The following PCDHA1 variants were observed in gnomAD, a reference collection of about 807,000 sequenced individuals.
The protein encoded by PCDHA1 is protocadherin alpha 1.
In PCDHA1, 42 loss-of-function variants were observed where a neutral mutation model predicts 61.3. The observed-to-expected ratio is 0.69, with a 90% CI of 0.54 to 0.89. The LOEUF is 0.89. Ranked by LOEUF, PCDHA1 falls within the 40% of genes least tolerant of loss-of-function variation. PCDHA1 has a pLI of 0.00. For missense variants in PCDHA1, 1,256 were observed against 1,235.3 expected (o/e 1.02, Z -0.25); for synonymous variants, 610 against 553.8 (o/e 1.10, Z -1.43).
At chr5:140,949,626 G>A (rs2094403314) in intron 1 of PCDHA1, among the ~76,000 whole-genome samples, 1 of 151,546 alleles carries the variant, frequency 6.6e-6, no homozygotes, top group Non-Finnish European at 1.5e-5. Context: ...CTGTTTTCAT[G>A]GCATATTGCT....
In PCDHA1 at chr5:140,802,630, C is replaced by T. The variant is rs1554122255; in HGVS notation, c.2394+13946C>T. The T allele has an allele frequency of 3.7e-6, 6 of 1,613,894 alleles. No homozygotes were observed. In the South Asian group the frequency reaches 6.6e-5, roughly 18 times the overall value. On this transcript the variant is annotated intron_variant, in intron 1 of 3. Transcript: ENST00000504120. ...CCGGGCTGCCACATCTTCACGGTGT[C>T]TGCGCGGGACGCGGACGCGCAGGAG... is the stretch of plus-strand genomic sequence containing the variant.
At chr5:140,983,621 A>G (rs1271083054) in intron 3 of PCDHA1, among the ~76,000 whole-genome samples, 5 of 152,250 alleles carry the variant, frequency 3.3e-5, no homozygotes, top group African/African-American at 1.2e-4. Flanking sequence ...CAGAGAGATT[A>G]AGAAATGTAC....
chr5:140,807,757 A>T (rs1319661297), intron 1 of PCDHA1: 1 of 1,614,068 alleles, frequency 6.2e-7, no homozygotes. Flanking sequence ...AGCTGGTAAA[A>T]GGTCTTGGGC....
chr5:140,944,136 G>A (rs536816208), intron 1 of PCDHA1, among the ~76,000 whole-genome samples: 3 of 152,136 alleles, frequency 2.0e-5, no homozygotes, highest in African/African-American at 7.2e-5. Context: ...AAAGGTTGAA[G>A]ATTAGAAGAG....
chr5:140,975,099 A>G (rs540357854), intron 1 of PCDHA1, among the ~76,000 whole-genome samples: 1 of 152,152 alleles, frequency 6.6e-6, no homozygotes, highest in Non-Finnish European at 1.5e-5. Flanking sequence ...TTGTTTGGGG[A>G]CTGAGATCTC....
chr5:140,877,521 AG>A, intron 1 of PCDHA1: 1 of 1,613,770 alleles, frequency 6.2e-7, no homozygotes, highest in African/African-American at 1.3e-5. Context: ...CGCGGGCCTC[AG>A]TGGGCGCTGT....
At chr5:140,870,181 G>C in intron 1 of PCDHA1, 1 of 1,614,160 alleles carries the variant, frequency 6.2e-7, no homozygotes, top group Non-Finnish European at 8.5e-7. Context: ...CCCAGTACGA[G>C]AGGACGCTCA....
chr5:140,979,122 T>C (rs1271679977), intron 2 of PCDHA1, 115 bp downstream of exon 2: 2 of 1,493,778 alleles, frequency 1.3e-6, no homozygotes, highest in African/African-American at 2.8e-5. Flanking sequence ...TTAGGTACTT[T>C]GCCAGGAAAA....
In PCDHA1 at chr5:140,875,735, C is replaced by A. The variant is rs376701509; in HGVS notation, c.2394+87051C>A. The stretch of plus-strand genomic sequence containing the variant: ...CAGAATGGCATTTTGTTTGTGAATT[C>A]TCGGATCGACCGCGAGAAGCTGTGC... On this transcript the variant is annotated intron_variant, in intron 1 of 3. Coordinates refer to ENST00000504120, the MANE Select transcript of PCDHA1 (RefSeq NM_018900.4). 16 of 1,614,114 alleles carry A rather than the reference C, an allele frequency of 9.9e-6. No homozygotes were observed. In the Middle Eastern group the frequency reaches 4.9e-4, roughly 50 times the overall value.
intron 2 of PCDHA1, among the ~76,000 whole-genome samples, chr5:140,981,738 A>C: frequency 6.6e-6 from 1 of 152,114 alleles, no homozygotes. Flanking sequence ...TGAGAGATTA[A>C]TATGAGTTAG....
At chr5:140,839,813 C>A (rs1776427171) in intron 1 of PCDHA1, among the ~76,000 whole-genome samples, 1 of 151,938 alleles carries the variant, frequency 6.6e-6, no homozygotes, top group Non-Finnish European at 1.5e-5. Context: ...TAATTGCCTA[C>A]TATGAAGGCA....
intron 1 of PCDHA1, chr5:140,822,859 G>T (rs1554128922): frequency 1.2e-6 from 2 of 1,614,176 alleles, no homozygotes; most frequent in South Asian, 1.1e-5. Context: ...CAAAGAGGAC[G>T]CTCCACTCAG....
At chr5:140,911,677 C>T (rs904570548) in intron 1 of PCDHA1, among the ~76,000 whole-genome samples, 4 of 152,118 alleles carry the variant, frequency 2.6e-5, no homozygotes, top group African/African-American at 7.2e-5. Flanking sequence ...TCTCACGAAC[C>T]GTGCATCAGG....
At chr5:140,966,539 T>C in intron 1 of PCDHA1, 1 of 462,182 alleles carries the variant, frequency 2.2e-6, no homozygotes, top group South Asian at 5.8e-5. Flanking sequence ...GTTGAGCGAC[T>C]CGGAGGCGAG....
intron 1 of PCDHA1, among the ~76,000 whole-genome samples, chr5:140,798,854 C>T (rs1462613661): frequency 2.0e-5 from 3 of 152,154 alleles, no homozygotes; most frequent in South Asian, 4.1e-4. Context: ...CTGTCTTAAA[C>T]GGTCCTCTAC....
chr5:140,890,565 T>C (rs1381687393), intron 1 of PCDHA1, among the ~76,000 whole-genome samples: 1 of 152,194 alleles, frequency 6.6e-6, no homozygotes, highest in Non-Finnish European at 1.5e-5. Context: ...TATTGTTCCA[T>C]TTCCTTCTGT....
At chr5:140,806,941 A>T in intron 1 of PCDHA1, 3 of 566,622 alleles carry the variant, frequency 5.3e-6, no homozygotes, top group Non-Finnish European at 9.4e-6. Context: ...AGTTTACAGT[A>T]GAGTGTGTGG....
chr5:140,876,715 C>A (rs570565884), intron 1 of PCDHA1: 7 of 1,614,232 alleles, frequency 4.3e-6, no homozygotes, highest in East Asian at 2.2e-5. Context: ...CGCCCTGGAC[C>A]GCGAGAGCGT....
At position 140,796,256 on chromosome 5, in the gene PCDHA1, G is replaced by T; in HGVS notation, c.2394+7572G>T. On this transcript the variant is annotated intron_variant, in intron 1 of 3. Coordinates refer to ENST00000504120, the MANE Select transcript of PCDHA1 (RefSeq NM_018900.4). Reference sequence around the variant, plus strand: ...CTGGTGGTGACCGCACGGGACGGGGGCTCGCCTTCACTGTGGGCCACCACC... The same window carrying T: ...CTGGTGGTGACCGCACGGGACGGGGTCTCGCCTTCACTGTGGGCCACCACC... 1 of 1,614,120 alleles carries T rather than the reference G, an allele frequency of 6.2e-7. No individual in the cohort carries two copies. The highest frequency in any genetic ancestry group is 1.1e-5 in the South Asian group (1 of 91,086).
Sources: gnomAD v4.1 joint callset for allele counts (sites outside exome capture counted in the v4.1 genomes callset) on GRCh38, gnomAD v4.1.1 for gene constraint, MANE v1.5 for transcripts, NCBI Gene and HGNC (gene_info 2026-07-23, HGNC 2026-07-21) for gene names.